ASAP1: variants seen among roughly 807,000 people sequenced by gnomAD.
The protein encoded by ASAP1 is ArfGAP with SH3 domain, ankyrin repeat and PH domain 1.
In ASAP1, 43 loss-of-function variants were observed where a neutral mutation model predicts 145.2. The ratio of observed to expected loss-of-function variants is 0.30; its 90% CI spans 0.23 to 0.38. The LOEUF (loss-of-function observed/expected upper bound fraction) is 0.38. ASAP1 is among the 10% of genes least tolerant of loss of function. The pLI is 1.00. For missense variants in ASAP1, 1,018 were observed against 1,355.3 expected, an observed-to-expected ratio of 0.75 and a Z score of 3.91; for synonymous variants, 546 against 515.5, an observed-to-expected ratio of 1.06 and a Z score of -0.80.
chr8:130,369,628 A>T (rs1827120047), intron 2 of ASAP1, among the ~76,000 whole-genome samples: 1 of 152,234 alleles, frequency 6.6e-6, no homozygotes, highest in South Asian at 2.1e-4. Context: ...GATGCTGAAC[A>T]TCACTAAACA....
At chr8:130,096,509 C>T (rs779897098) in intron 24 of ASAP1, among the ~76,000 whole-genome samples, 3 of 152,174 alleles carry the variant, frequency 2.0e-5, no homozygotes, top group Non-Finnish European at 4.4e-5. Flanking sequence ...CCTCACTTGC[C>T]ACTAATATTG....
At chr8:130,094,188 C>T (rs905101512) in intron 24 of ASAP1, among the ~76,000 whole-genome samples, 3 of 152,088 alleles carry the variant, frequency 2.0e-5, no homozygotes, top group Admixed American at 6.6e-5. Context: ...TGCTATTCCT[C>T]AGCTTCTTCC....
At chr8:130,120,405 G>A (rs893609233) in intron 18 of ASAP1, among the ~76,000 whole-genome samples, 1 of 152,220 alleles carries the variant, frequency 6.6e-6, no homozygotes, top group Non-Finnish European at 1.5e-5. Flanking sequence ...AGTTCTCACT[G>A]AATCTCAGTT....
intron 3 of ASAP1, among the ~76,000 whole-genome samples, chr8:130,327,179 T>C (rs1264836758): frequency 6.6e-6 from 1 of 152,208 alleles, no homozygotes; most frequent in Non-Finnish European, 1.5e-5. Context: ...CCAGTTCCTC[T>C]AAGAGTTGTC....
At chr8:130,240,515 T>C (rs564480058) in intron 3 of ASAP1, among the ~76,000 whole-genome samples, 1 of 152,254 alleles carries the variant, frequency 6.6e-6, no homozygotes, top group Non-Finnish European at 1.5e-5. Flanking sequence ...AAATGTCATA[T>C]ATGTAAAATT....
At chr8:130,096,305 A>T (rs1006818571) in intron 24 of ASAP1, among the ~76,000 whole-genome samples, 12 of 152,240 alleles carry the variant, frequency 7.9e-5, no homozygotes, top group African/African-American at 2.9e-4. Context: ...TGGTTCAGTC[A>T]GGAAAAAAGC....
At chr8:130,417,108 A>C (rs967737429) in intron 1 of ASAP1, among the ~76,000 whole-genome samples, 1 of 152,206 alleles carries the variant, frequency 6.6e-6, no homozygotes, top group Non-Finnish European at 1.5e-5. Context: ...ACACATACAC[A>C]CAGAAGTGAA....
chr8:130,178,002 G>A (rs1196673984), intron 9 of ASAP1, among the ~76,000 whole-genome samples: 1 of 152,172 alleles, frequency 6.6e-6, no homozygotes, highest in African/African-American at 2.4e-5. Flanking sequence ...TTAACCAGCT[G>A]CAGAGCCAAA....
intron 27 of ASAP1, among the ~76,000 whole-genome samples, chr8:130,070,284 A>G (rs897234993): frequency 3.3e-5 from 5 of 151,970 alleles, no homozygotes; most frequent in Admixed American, 6.5e-5. Flanking sequence ...TGATCTGCCC[A>G]CCTTGGCCTC....
At chr8:130,143,828 A>G (rs940527385) in intron 13 of ASAP1, among the ~76,000 whole-genome samples, 11 of 152,244 alleles carry the variant, frequency 7.2e-5, no homozygotes, top group African/African-American at 2.7e-4. Flanking sequence ...TAAAGTTGTT[A>G]GCACAGGCAT....
chr8:130,226,762 A>G (rs141027922), intron 4 of ASAP1, among the ~76,000 whole-genome samples: 1 of 152,328 alleles, frequency 6.6e-6, no homozygotes, highest in African/African-American at 2.4e-5. Context: ...GCACCTGAAC[A>G]TCACTCTCCT....
At chr8:130,323,264 C>T (rs908404015) in intron 3 of ASAP1, among the ~76,000 whole-genome samples, 7 of 152,124 alleles carry the variant, frequency 4.6e-5, no homozygotes, top group South Asian at 2.1e-4. Flanking sequence ...CTGAACATTA[C>T]GGACTGGACA....
intron 3 of ASAP1, among the ~76,000 whole-genome samples, chr8:130,314,207 G>A (rs975530078): frequency 2.6e-5 from 4 of 152,038 alleles, no homozygotes; most frequent in African/African-American, 9.7e-5. Context: ...CTACTGGAGG[G>A]GCAACAACTT....
At chr8:130,171,119 T>C in intron 9 of ASAP1, among the ~76,000 whole-genome samples, 1 of 152,218 alleles carries the variant, frequency 6.6e-6, no homozygotes, top group East Asian at 1.9e-4. Context: ...GACCCTTGAA[T>C]ACTTCTGTTT....
chr8:130,238,714 T>C (rs534245306), intron 3 of ASAP1, among the ~76,000 whole-genome samples: 2 of 152,244 alleles, frequency 1.3e-5, no homozygotes, highest in South Asian at 2.1e-4. Flanking sequence ...GGAAATGTAG[T>C]AGACCTTCAA....
intron 3 of ASAP1, among the ~76,000 whole-genome samples, chr8:130,354,044 C>A (rs778965094): frequency 2.0e-5 from 3 of 151,968 alleles, no homozygotes; most frequent in Non-Finnish European, 4.4e-5. Context: ...CCTGACAACA[C>A]GCCCAGCTAA....
At chr8:130,355,446 A>G (rs1332863665) in intron 3 of ASAP1, among the ~76,000 whole-genome samples, 1 of 152,178 alleles carries the variant, frequency 6.6e-6, no homozygotes, top group Non-Finnish European at 1.5e-5. Context: ...TTTAAATGAG[A>G]ATTCCAAGTT....
At chr8:130,236,294 G>A (rs1403244446) in intron 4 of ASAP1, among the ~76,000 whole-genome samples, 1 of 151,908 alleles carries the variant, frequency 6.6e-6, no homozygotes, top group African/African-American at 2.4e-5. Context: ...CAGTGCTGGA[G>A]CCTACCATTT....
At chr8:130,289,134 C>A (rs1821797166) in intron 3 of ASAP1, among the ~76,000 whole-genome samples, 1 of 152,064 alleles carries the variant, frequency 6.6e-6, no homozygotes, top group African/African-American at 2.4e-5. Context: ...TGCAGTGAGC[C>A]AAGTTGGTGC....
Sources: allele counts gnomAD v4.1 joint callset (sites outside exome capture counted in the v4.1 genomes callset), GRCh38; gene constraint gnomAD v4.1.1; transcripts MANE v1.5; gene names NCBI Gene and HGNC (gene_info 2026-07-23, HGNC 2026-07-21).